The following GRM1 variants were observed in gnomAD, a reference collection of about 807,000 sequenced individuals.
The protein encoded by GRM1 is glutamate metabotropic receptor 1, also known as metabotropic glutamate receptor 1.
Under a neutral mutation model 90.9 loss-of-function variants are expected in GRM1, and 33 were observed. The ratio of observed to expected loss-of-function variants is 0.36; its 90% CI spans 0.28 to 0.49. The LOEUF is 0.49. Ranked by LOEUF, GRM1 falls within the 20% of genes least tolerant of loss-of-function variation. The probability of loss-of-function intolerance (pLI) is 0.99; values close to 1 mark genes in which losing one functional copy is unlikely to be tolerated. For synonymous variants in GRM1, 700 were observed against 613.2 expected (o/e 1.14, Z -2.09); for missense variants, 1,190 against 1,534.3 (o/e 0.78, Z 3.75).
At chr6:146,175,161 C>G (rs1041718096) in intron 2 of GRM1, among the ~76,000 whole-genome samples, 2 of 152,304 alleles carry the variant, frequency 1.3e-5, no homozygotes, top group African/African-American at 4.8e-5. Flanking sequence ...GAGGCAGGAT[C>G]ATCTTAGAGG....
chr6:146,429,989 T>C (rs1426632169), intron 7 of GRM1, among the ~76,000 whole-genome samples: 1 of 152,200 alleles, frequency 6.6e-6, no homozygotes, highest in Non-Finnish European at 1.5e-5. Flanking sequence ...AGGCAGTTTG[T>C]GCAGGAGGCT....
chr6:146,200,654 C>G (rs1180608268), intron 2 of GRM1, among the ~76,000 whole-genome samples: 1 of 152,048 alleles, frequency 6.6e-6, no homozygotes, highest in African/African-American at 2.4e-5. Context: ...TTCAGCTGCT[C>G]TAAGAAGTAC....
At chr6:146,282,569 A>G (rs1030855180) in intron 2 of GRM1, among the ~76,000 whole-genome samples, 1 of 151,926 alleles carries the variant, frequency 6.6e-6, no homozygotes, top group Non-Finnish European at 1.5e-5. Flanking sequence ...AAAAAAAAAA[A>G]GGGTGGAAAA....
intron 1 of GRM1, among the ~76,000 whole-genome samples, chr6:146,034,154 T>C (rs1262398695): frequency 6.6e-6 from 1 of 152,056 alleles, no homozygotes; most frequent in Non-Finnish European, 1.5e-5. Context: ...CGGAGTTAAA[T>C]TGAGAGCAGA....
intron 2 of GRM1, among the ~76,000 whole-genome samples, chr6:146,181,980 A>G (rs1206465872): frequency 1.3e-5 from 2 of 152,158 alleles, no homozygotes; most frequent in Non-Finnish European, 2.9e-5. Flanking sequence ...TTAAAAAGGA[A>G]AAGCAATTGA....
rs1790619828 is a variant in GRM1, at chr6:146,029,295, A to C, written c.-223A>C. On this transcript the variant is annotated 5_prime_UTR_variant, in exon 1 of 8. Transcript: ENST00000282753. ...AGAACGGGGACTCGAATTCCCTTAC[A>C]AACGCCTCCAGCTTGTAGAGGCGGT... The C allele has an allele frequency of 1.4e-5, 8 of 589,652 alleles. No individual in the cohort carries two copies. Among genetic ancestry groups the C allele is most frequent in the Non-Finnish European group, 2.4e-5 (8 of 330,744 alleles). The allele number at this position is 589,652 out of a possible 1,614,324, so 36.5% of individuals were successfully genotyped here.
At chr6:146,174,819 A>T (rs1354717776) in intron 2 of GRM1, among the ~76,000 whole-genome samples, 1 of 152,198 alleles carries the variant, frequency 6.6e-6, no homozygotes, top group Non-Finnish European at 1.5e-5. Context: ...AAATCTCATT[A>T]TCTCAAGGCT....
chr6:146,069,678 A>G (rs899782089), intron 1 of GRM1, among the ~76,000 whole-genome samples: 5 of 152,182 alleles, frequency 3.3e-5, no homozygotes, highest in Non-Finnish European at 7.3e-5. Flanking sequence ...ATGCCACAAC[A>G]TTTTCATATG....
rs200394354 is a variant in GRM1 at position 146,206,044 on chromosome 6, G to A, written c.950+46447G>A. ...TAAAGAAAGGAAGAGATTGATGTAT[G>A]TCGTAGCAGAGAAAGAGAAGTGGGG... On this transcript the variant is annotated intron_variant, in intron 2 of 7. Transcript: ENST00000282753. Among the ~76,000 whole-genome samples the A allele has an allele frequency of 2.0e-5, 3 of 152,198 alleles. No homozygotes were observed. The East Asian group carries it at 5.8e-4, about 29-fold the overall frequency.
intron 1 of GRM1, among the ~76,000 whole-genome samples, chr6:146,148,711 T>C (rs1777204973): frequency 6.6e-6 from 1 of 152,184 alleles, no homozygotes; most frequent in Admixed American, 6.5e-5. Context: ...TACAAATTTT[T>C]TACCAAAAAG....
In GRM1 at chr6:146,361,214, C is replaced by G. The variant is rs188285645; in HGVS notation, c.1602+3520C>G. Among the ~76,000 whole-genome samples, 58 of 152,242 alleles carry G rather than the reference C, an allele frequency of 3.8e-4. No homozygotes were observed. The East Asian group carries it at 6.4e-3, about 17-fold the overall frequency. Reference sequence around the variant, plus strand: ...GAGTCCAACAGGGGCAGTTCTGGAGCCCAGAGCCTACTCAAAGGGAGAGAG... The same window carrying G: ...GAGTCCAACAGGGGCAGTTCTGGAGGCCAGAGCCTACTCAAAGGGAGAGAG... On this transcript the variant is annotated intron_variant, in intron 5 of 7. Coordinates refer to ENST00000282753, the MANE Select transcript of GRM1 (RefSeq NM_001278064.2).
chr6:146,167,696 A>G (rs1316126080), intron 2 of GRM1, among the ~76,000 whole-genome samples: 2 of 152,084 alleles, frequency 1.3e-5, no homozygotes, highest in African/African-American at 4.8e-5. Context: ...TTTTGGTGAA[A>G]TATCCTTCAC....
At chr6:146,309,409 A>C (rs1226125047) in intron 3 of GRM1, among the ~76,000 whole-genome samples, 1 of 152,110 alleles carries the variant, frequency 6.6e-6, no homozygotes, top group Non-Finnish European at 1.5e-5. Context: ...AAAAAAAAAA[A>C]AACAGAACAT....
chr6:146,429,947 A>G (rs1457204250), intron 7 of GRM1, among the ~76,000 whole-genome samples: 3 of 152,168 alleles, frequency 2.0e-5, no homozygotes, highest in Non-Finnish European at 4.4e-5. Context: ...TTTGGACATA[A>G]GAGAGACAGG....
chr6:146,182,490 T>G (rs2114550735), intron 2 of GRM1, among the ~76,000 whole-genome samples: 1 of 152,228 alleles, frequency 6.6e-6, no homozygotes, highest in African/African-American at 2.4e-5. Context: ...ACTCATTCAT[T>G]TGCATGTCTA....
chr6:146,160,387 A>AT (rs1190759073), intron 2 of GRM1, among the ~76,000 whole-genome samples: 4 of 152,240 alleles, frequency 2.6e-5, no homozygotes, highest in South Asian at 2.1e-4. Context: ...TCATCACTGG[A>AT]TTTTTCATAG....
At chr6:146,065,289 C>T (rs1239760204) in intron 1 of GRM1, among the ~76,000 whole-genome samples, 1 of 152,088 alleles carries the variant, frequency 6.6e-6, no homozygotes, top group Non-Finnish European at 1.5e-5. Flanking sequence ...GTGTGAACCA[C>T]GTTCAGATCT....
At chr6:146,149,609 A>C (rs1029471463) in intron 1 of GRM1, among the ~76,000 whole-genome samples, 2 of 152,250 alleles carry the variant, frequency 1.3e-5, no homozygotes, top group African/African-American at 4.8e-5. Flanking sequence ...AGGGTTATCC[A>C]GCTCTTTACT....
intron 1 of GRM1, among the ~76,000 whole-genome samples, chr6:146,080,056 C>G (rs1324775270): frequency 6.6e-6 from 1 of 152,088 alleles, no homozygotes; most frequent in Non-Finnish European, 1.5e-5. Flanking sequence ...AGATTGTCAC[C>G]AATAAAGTAG....
Sources: gnomAD v4.1 joint callset for allele counts (sites outside exome capture counted in the v4.1 genomes callset) on GRCh38, gnomAD v4.1.1 for gene constraint, MANE v1.5 for transcripts, NCBI Gene and HGNC (gene_info 2026-07-23, HGNC 2026-07-21) for gene names.